The following CSMD1 variants were observed in gnomAD, a reference collection of about 807,000 sequenced individuals.
The protein encoded by CSMD1 is CUB and Sushi multiple domains 1, also known as CUB and sushi domain-containing protein 1.
A neutral mutation model predicts 417.5 loss-of-function variants in CSMD1; 213 were observed. That is an observed-to-expected ratio of 0.51 (90% CI 0.46 to 0.57). The LOEUF (loss-of-function observed/expected upper bound fraction) is 0.57, where lower values mean the gene tolerates loss of function less well. CSMD1 is among the 20% of genes least tolerant of loss of function. The pLI, the probability that CSMD1 is intolerant of heterozygous loss-of-function variation, is 0.00. For missense variants in CSMD1, 6,923 were observed against 4,529.7 expected, an observed-to-expected ratio of 1.53 and a Z score of -15.17; for synonymous variants, 2,862 against 1,736.8, an observed-to-expected ratio of 1.65 and a Z score of -16.11.
At chr8:4,108,108 G>T (rs879488925) in intron 3 of CSMD1, among the ~76,000 whole-genome samples, 1 of 151,088 alleles carries the variant, frequency 6.6e-6, no homozygotes, top group African/African-American at 2.4e-5. Context: ...AGAAAAAGAC[G>T]GAGGAGGAGG....
intron 3 of CSMD1, among the ~76,000 whole-genome samples, chr8:4,236,885 G>A (rs762028847): frequency 6.6e-6 from 1 of 152,164 alleles, no homozygotes; most frequent in South Asian, 2.1e-4. Flanking sequence ...CCAGGCAATG[G>A]TATAAATTCA....
intron 5 of CSMD1, among the ~76,000 whole-genome samples, chr8:3,777,959 C>T (rs1020555291): frequency 6.6e-6 from 1 of 152,016 alleles, no homozygotes; most frequent in Admixed American, 6.5e-5. Flanking sequence ...CACTCCAGAC[C>T]TGCAGCCTCC....
At chr8:4,659,111 G>A (rs570411180) in intron 1 of CSMD1, among the ~76,000 whole-genome samples, 11 of 152,066 alleles carry the variant, frequency 7.2e-5, no homozygotes, top group Admixed American at 6.6e-5. Context: ...GATTAAAAAT[G>A]TAAGTACAAA....
chr8:4,113,839 G>A (rs898642569), intron 3 of CSMD1, among the ~76,000 whole-genome samples: 4 of 152,188 alleles, frequency 2.6e-5, no homozygotes, highest in African/African-American at 9.7e-5. Flanking sequence ...CTACTTCAGA[G>A]CAAGCTCCTC....
At chr8:4,380,861 T>C (rs542719268) in intron 3 of CSMD1, among the ~76,000 whole-genome samples, 15 of 152,314 alleles carry the variant, frequency 9.8e-5, no homozygotes, top group Admixed American at 7.8e-4. Context: ...ATTTTATTAG[T>C]ATATTACTAT....
At chr8:4,154,781 A>T (rs537660518) in intron 3 of CSMD1, among the ~76,000 whole-genome samples, 1 of 152,354 alleles carries the variant, frequency 6.6e-6, no homozygotes, top group African/African-American at 2.4e-5. Context: ...CACTGATCAC[A>T]GAGAAAATAA....
intron 3 of CSMD1, among the ~76,000 whole-genome samples, chr8:4,357,824 A>G (rs1256341192): frequency 2.0e-5 from 3 of 152,186 alleles, no homozygotes; most frequent in South Asian, 2.1e-4. Flanking sequence ...ATAGTATTAC[A>G]AAATTTAAAA....
chr8:4,128,562 A>C (rs1422329145), intron 3 of CSMD1, among the ~76,000 whole-genome samples: 2 of 152,180 alleles, frequency 1.3e-5, no homozygotes, highest in Admixed American at 1.3e-4. Flanking sequence ...AACACATCTC[A>C]TCTCTTTTAG....
chr8:3,809,571 T>G (rs1295216570), intron 5 of CSMD1, among the ~76,000 whole-genome samples: 1 of 152,138 alleles, frequency 6.6e-6, no homozygotes, highest in South Asian at 2.1e-4. Context: ...TGGGAGAGCT[T>G]GTGAAAGTGT....
chr8:3,541,967 G>A (rs1304806136), intron 10 of CSMD1, among the ~76,000 whole-genome samples: 1 of 152,008 alleles, frequency 6.6e-6, no homozygotes, highest in Non-Finnish European at 1.5e-5. Context: ...AGTGAGCCTA[G>A]ATGGAGCCAC....
chr8:3,509,450 G>A (rs182792803), intron 10 of CSMD1, among the ~76,000 whole-genome samples: 1 of 152,082 alleles, frequency 6.6e-6, no homozygotes, highest in African/African-American at 2.4e-5. Context: ...GCCTTCTATA[G>A]GCAAGGAGTC....
At chr8:4,482,446 T>C (rs1329762555) in intron 2 of CSMD1, among the ~76,000 whole-genome samples, 1 of 152,236 alleles carries the variant, frequency 6.6e-6, no homozygotes, top group African/African-American at 2.4e-5. Flanking sequence ...TATGGCTGCA[T>C]AGTACTCCAT....
At chr8:4,855,410 T>C (rs988937128) in intron 1 of CSMD1, among the ~76,000 whole-genome samples, 2 of 152,142 alleles carry the variant, frequency 1.3e-5, no homozygotes, top group South Asian at 2.1e-4. Context: ...CAAAGCTGGA[T>C]GGAGAATGAC....
chr8:4,461,847 T>A (rs2129954604), intron 2 of CSMD1, among the ~76,000 whole-genome samples: 1 of 150,980 alleles, frequency 6.6e-6, no homozygotes, highest in Non-Finnish European at 1.5e-5. Flanking sequence ...TTCCCGCCAT[T>A]CTCCTGCCTC....
rs181917439 is a variant in CSMD1 at position 4,475,472 on chromosome 8, G to A, written c.303-55407C>T. Reference sequence around the variant, plus strand: ...TGGAAGGCAACCCCATTTGATTCTCGATACAGAGAACCCAGAATTGTGTTT... The same window carrying A: ...TGGAAGGCAACCCCATTTGATTCTCAATACAGAGAACCCAGAATTGTGTTT... On this transcript the variant is annotated intron_variant, in intron 2 of 69. Coordinates refer to ENST00000635120, the MANE Select transcript of CSMD1 (RefSeq NM_033225.6). Among the ~76,000 whole-genome samples, 48 of 152,134 alleles carry A rather than the reference G, an allele frequency of 3.2e-4. No homozygotes were observed. In the South Asian group the frequency reaches 4.6e-3, roughly 14 times the overall value.
At chr8:3,388,370 A>G (rs1811140769) in intron 17 of CSMD1, among the ~76,000 whole-genome samples, 1 of 151,026 alleles carries the variant, frequency 6.6e-6, no homozygotes, top group African/African-American at 2.4e-5. Context: ...CTCTTTTTAG[A>G]AAAACATATA....
chr8:4,957,842 C>A (rs1761554080), intron 1 of CSMD1, among the ~76,000 whole-genome samples: 1 of 152,178 alleles, frequency 6.6e-6, no homozygotes, highest in Admixed American at 6.5e-5. Flanking sequence ...GGACAATACT[C>A]AGCTCCTGCA....
At chr8:3,432,829 T>G (rs866155456) in intron 12 of CSMD1, among the ~76,000 whole-genome samples, 10 of 152,186 alleles carry the variant, frequency 6.6e-5, no homozygotes, top group Admixed American at 6.5e-4. Context: ...GGGCTTATTT[T>G]TATTCTACAT....
rs563576618 is a variant in CSMD1 at position 3,599,647 on chromosome 8, C to G, written c.1098-13387G>C. Among the ~76,000 whole-genome samples, 394 of 152,288 alleles carry G rather than the reference C, an allele frequency of 2.6e-3. 2 individuals carry two copies. The highest frequency in any genetic ancestry group is 9.1e-3 in the African/African-American group (377 of 41,562). On this transcript the variant is annotated intron_variant, in intron 8 of 69. Transcript: ENST00000635120. Reference sequence around the variant, plus strand: ...CATCAGATCCCTAGGTTTATTCATCCTATGTAACTGCAGCTTTATGCCTTT... The same window carrying G: ...CATCAGATCCCTAGGTTTATTCATCGTATGTAACTGCAGCTTTATGCCTTT...
Sources: allele counts gnomAD v4.1 joint callset (sites outside exome capture counted in the v4.1 genomes callset), GRCh38; gene constraint gnomAD v4.1.1; transcripts MANE v1.5; gene names NCBI Gene and HGNC (gene_info 2026-07-23, HGNC 2026-07-21).